Variants in GPR160 observed in about 807,000 individuals in gnomAD.
GPR160 encodes the protein probable G protein-coupled receptor 160.
Under a neutral mutation model 2.6 loss-of-function variants are expected in GPR160, and 2 were observed. That is an observed-to-expected ratio of 0.77 (90% CI 0.32 to 2.44). The LOEUF (loss-of-function observed/expected upper bound fraction) is 2.44, where lower values mean the gene tolerates loss of function less well. GPR160 is among the 30% of genes most tolerant of loss of function. GPR160 has a pLI of 0.11. For synonymous variants in GPR160, 130 were observed against 132.2 expected, an observed-to-expected ratio of 0.98 and a Z score of 0.12; for missense variants, 351 against 383.6, an observed-to-expected ratio of 0.91 and a Z score of 0.71.
chr3:170,058,642 T>C (rs1053111442), intron 2 of GPR160, among the ~76,000 whole-genome samples: 1 of 152,160 alleles, frequency 6.6e-6, no homozygotes, highest in African/African-American at 2.4e-5. Flanking sequence ...AAATTGGCAA[T>C]ATCTAACAAA....
chr3:170,061,609 G>A (rs886768557), intron 2 of GPR160, among the ~76,000 whole-genome samples: 1 of 151,936 alleles, frequency 6.6e-6, no homozygotes, highest in South Asian at 2.1e-4. Flanking sequence ...AATCATCATA[G>A]GAAAAATGGG....
chr3:170,069,922 G>A (rs564012532), intron 2 of GPR160, among the ~76,000 whole-genome samples: 1 of 152,190 alleles, frequency 6.6e-6, no homozygotes, highest in African/African-American at 2.4e-5. Context: ...GGGGCCTTTT[G>A]CAGCCTGTAG....
At chr3:170,040,201 A>G (rs1164707142) in intron 2 of GPR160, among the ~76,000 whole-genome samples, 1 of 152,190 alleles carries the variant, frequency 6.6e-6, no homozygotes, top group Non-Finnish European at 1.5e-5. Context: ...AAAAATAAAA[A>G]TAGTTGAAGC....
At chr3:170,072,492 G>T (rs545238867) in intron 2 of GPR160, among the ~76,000 whole-genome samples, 64 of 152,176 alleles carry the variant, frequency 4.2e-4, no homozygotes, top group Non-Finnish European at 5.6e-4. Flanking sequence ...CCTGAGACTG[G>T]GTAATTTATA....
intron 2 of GPR160, among the ~76,000 whole-genome samples, chr3:170,047,069 C>T (rs969649856): frequency 7.9e-5 from 12 of 152,174 alleles, no homozygotes; most frequent in Admixed American, 5.9e-4. Flanking sequence ...ACAGCCCTTG[C>T]CTGGTCCCCT....
At chr3:170,039,341 C>CAAA (rs1716345005) in intron 2 of GPR160, among the ~76,000 whole-genome samples, 1 of 152,148 alleles carries the variant, frequency 6.6e-6, no homozygotes, top group Non-Finnish European at 1.5e-5. Flanking sequence ...AGTTTCAAAA[C>CAAA]GATTTAAGAG....
chr3:170,074,996 T>C (rs1712780961), intron 2 of GPR160, among the ~76,000 whole-genome samples: 1 of 151,950 alleles, frequency 6.6e-6, no homozygotes, highest in Admixed American at 6.6e-5. Context: ...GAGGCCAAGG[T>C]GGGCAGATCA....
At chr3:170,063,306 G>C (rs530483364) in intron 2 of GPR160, 1 of 152,064 alleles carries the variant, frequency 6.6e-6, no homozygotes, top group South Asian at 2.1e-4. Flanking sequence ...GGCCGAAGCG[G>C]GTGGATCACT....
At chr3:170,050,949 C>A (rs890557564) in intron 2 of GPR160, among the ~76,000 whole-genome samples, 1 of 151,988 alleles carries the variant, frequency 6.6e-6, no homozygotes, top group Admixed American at 6.6e-5. Context: ...TTAGTATGGA[C>A]CTTATTTGTA....
chr3:170,053,958 T>C (rs1711515193), intron 2 of GPR160, among the ~76,000 whole-genome samples: 1 of 152,038 alleles, frequency 6.6e-6, no homozygotes, highest in South Asian at 2.1e-4. Context: ...TTTTGGTTTT[T>C]TGTTTTTTTT....
chr3:170,082,597 TG>T (rs1339768589), intron 3 of GPR160, among the ~76,000 whole-genome samples: 1 of 144,836 alleles, frequency 6.9e-6, no homozygotes, highest in African/African-American at 2.9e-5. Flanking sequence ...GTTTCTTTCT[TG>T]TTTTTTTCTT....
In GPR160 at chr3:170,039,577, A is replaced by G. The variant is rs148639606; in HGVS notation, c.-193+534A>G. Among the ~76,000 whole-genome samples, 495 of 152,312 alleles carry G rather than the reference A, an allele frequency of 3.2e-3. 14 individuals carry two copies. The East Asian group carries it at 0.082, about 25-fold the overall frequency. On this transcript the variant is annotated intron_variant, in intron 2 of 3. Transcript: ENST00000355897. ...ACAAAAATTAGCTGGGTGTGGTGAC[A>G]CGCGCCTGTAATCCCGGCTACTCGG...
chr3:170,051,680 G>A (rs1174085086), intron 2 of GPR160, among the ~76,000 whole-genome samples: 2 of 152,106 alleles, frequency 1.3e-5, no homozygotes, highest in East Asian at 1.9e-4. Context: ...ACCCAGGATC[G>A]TACCACTGCA....
At chr3:170,071,710 C>A (rs149518452) in intron 2 of GPR160, among the ~76,000 whole-genome samples, 1 of 152,070 alleles carries the variant, frequency 6.6e-6, no homozygotes, top group Non-Finnish European at 1.5e-5. Context: ...GTAGGAGAAT[C>A]GCACAAACTC....
intron 2 of GPR160, among the ~76,000 whole-genome samples, chr3:170,079,147 G>A (rs1317559516): frequency 6.6e-6 from 1 of 152,222 alleles, no homozygotes; most frequent in Non-Finnish European, 1.5e-5. Context: ...CTGAATAAAA[G>A]CAAGCAGCTC....
intron 2 of GPR160, among the ~76,000 whole-genome samples, chr3:170,049,007 CTG>C: frequency 6.6e-6 from 1 of 152,232 alleles, no homozygotes; most frequent in Non-Finnish European, 1.5e-5. Context: ...TACCTCTGAT[CTG>C]TGAATATACG....
At chr3:170,081,384 CTT>C (rs776658169) in intron 3 of GPR160, among the ~76,000 whole-genome samples, 9 of 152,082 alleles carry the variant, frequency 5.9e-5, no homozygotes, top group Non-Finnish European at 1.2e-4. Context: ...GGGAAAAAAA[CTT>C]GAGTGTGGGA....
intron 2 of GPR160, among the ~76,000 whole-genome samples, chr3:170,067,308 T>TA (rs1396904625): frequency 2.6e-5 from 4 of 152,174 alleles, no homozygotes; most frequent in Non-Finnish European, 4.4e-5. Flanking sequence ...CCAGGCCTGT[T>TA]TTTTTAAGAG....
chr3:170,040,700 T>G (rs1294113291), intron 2 of GPR160, among the ~76,000 whole-genome samples: 2 of 152,326 alleles, frequency 1.3e-5, no homozygotes, highest in South Asian at 2.1e-4. Flanking sequence ...CGGTATGCAC[T>G]TAGGATTTAT....
Sources: gnomAD v4.1 joint callset for allele counts (sites outside exome capture counted in the v4.1 genomes callset) on GRCh38, gnomAD v4.1.1 for gene constraint, MANE v1.5 for transcripts, NCBI Gene and HGNC (gene_info 2026-07-23, HGNC 2026-07-21) for gene names.